ASCC2: variants seen among roughly 807,000 people sequenced by gnomAD.
ASCC2 encodes ASC-1 complex subunit P100.
ASCC2 carries 42 observed loss-of-function variants against 93.5 expected under a neutral mutation model. The ratio of observed to expected loss-of-function variants is 0.45; its 90% CI spans 0.35 to 0.58. The LOEUF (loss-of-function observed/expected upper bound fraction) is 0.58. Among genes scored for constraint, ASCC2 ranks in the 20% least tolerant of loss-of-function variants. ASCC2 has a pLI of 0.00. For synonymous variants in ASCC2, 364 were observed against 384.2 expected, an observed-to-expected ratio of 0.95 and a Z score of 0.62; for missense variants, 859 against 977.6, an observed-to-expected ratio of 0.88 and a Z score of 1.62.
Position 29,800,986 on chromosome 22 carries a change from C to T in ASCC2, c.1688+5G>A. On this transcript the variant is annotated splice_donor_5th_base_variant and intron_variant, in intron 15 of 19. Transcript: ENST00000307790. Reference sequence around the variant, plus strand: ...TATCGGAACCCCATGGCCCACTGCACTCACCTCTTGCCCTTGTGCACCCGG... The same window carrying T: ...TATCGGAACCCCATGGCCCACTGCATTCACCTCTTGCCCTTGTGCACCCGG... The T allele has an allele frequency of 6.3e-7, 1 of 1,586,624 alleles. No individual in the cohort carries two copies. Among genetic ancestry groups the T allele is most frequent in the African/African-American group, 1.3e-5 (1 of 74,466 alleles).
chr22:29,821,257 G>A (rs1012660735), intron 5 of ASCC2, among the ~76,000 whole-genome samples: 2 of 152,132 alleles, frequency 1.3e-5, no homozygotes, highest in East Asian at 1.9e-4. Context: ...GGGATCCAAC[G>A]GCTAATGTCC....
At chr22:29,837,858 A>T (rs1740467629) in intron 1 of ASCC2, among the ~76,000 whole-genome samples, 1 of 152,198 alleles carries the variant, frequency 6.6e-6, no homozygotes. Context: ...CAATGTCTAG[A>T]TCTGTGTCTG....
chr22:29,806,367 G>A (rs1377623725), intron 11 of ASCC2, 77 bp from the exon 12 acceptor site: 3 of 1,576,770 alleles, frequency 1.9e-6, no homozygotes, highest in East Asian at 2.2e-5. Flanking sequence ...GCCACTCCCT[G>A]TGTTTGCAGC....
At chr22:29,834,926 G>A (rs1161974743) in intron 1 of ASCC2, among the ~76,000 whole-genome samples, 1 of 152,176 alleles carries the variant, frequency 6.6e-6, no homozygotes, top group African/African-American at 2.4e-5. Context: ...CAGTGCAGAA[G>A]TCTAAATGAC....
chr22:29,793,695 A>C lies in ASCC2; in HGVS notation c.1689-19T>G, dbSNP rs1295743657. ...CCTGGTGCTGAGAAGGAACAGCAGA[A>C]AGAGAGGAAGGAAAACCATCAGGCT... is the stretch of plus-strand genomic sequence containing the variant. On this transcript the variant is annotated intron_variant, in intron 15 of 19. Coordinates refer to ENST00000307790, the MANE Select transcript of ASCC2 (RefSeq NM_032204.5). The C allele has an allele frequency of 6.5e-7, 1 of 1,546,574 alleles. No homozygotes were observed. Among genetic ancestry groups the C allele is most frequent in the Non-Finnish European group, 8.7e-7 (1 of 1,147,690 alleles).
In ASCC2 at chr22:29,802,070, G is replaced by C; in HGVS notation, c.1492C>G (p.Pro498Ala). ...LACLEYYHYDPEQVINNILEE... is the reference protein window; with the variant it reads ...LACLEYYHYDAEQVINNILEE... ...AGGATATTGTTGATCACCTGCTCTGGGTCGTAGTGGTAGTACTCCAGGCAG... is the reference window on the plus strand; with the variant it reads ...AGGATATTGTTGATCACCTGCTCTGCGTCGTAGTGGTAGTACTCCAGGCAG... Residue 498 changes from proline (P) to alanine (A), a missense_variant, in exon 14 of 20, where the codon CCA becomes GCA. Transcript: ENST00000307790. 6.2e-7 allele frequency: 1 copy of C among 1,614,090 alleles called. No individual in the cohort carries two copies. The highest frequency in any genetic ancestry group is 8.5e-7 in the Non-Finnish European group (1 of 1,179,996).
In ASCC2 at chr22:29,806,260, G is replaced by A. The variant is rs141929187; in HGVS notation, c.1116C>T (p.Pro372=). ...GCAGCAAGCTGATGTCTTCGGCCAC[G>A]GGGAAGAGTGCATCATAGTCCCGGA... ...RFLRDYDALF[P]VAEDISLLQQ... is the part of the protein sequence containing the mutation. The change falls in exon 12 of 20, where the codon CCC becomes CCT. Residue 372 remains proline (P), a synonymous_variant. Transcript: ENST00000307790. 7.6e-4 allele frequency: 1,230 copies of A among 1,614,164 alleles called. 2 individuals are homozygous for A. The highest frequency in any genetic ancestry group is 9.4e-4 in the Non-Finnish European group (1,106 of 1,180,034).
intron 2 of ASCC2, among the ~76,000 whole-genome samples, chr22:29,830,659 T>G (rs2063025727): frequency 6.6e-6 from 1 of 152,218 alleles, no homozygotes; most frequent in African/African-American, 2.4e-5. Context: ...GACTTCCTTC[T>G]GTCACAACCC....
At chr22:29,796,911 G>C (rs189182347) in intron 15 of ASCC2, among the ~76,000 whole-genome samples, 2 of 152,270 alleles carry the variant, frequency 1.3e-5, no homozygotes, top group Non-Finnish European at 2.9e-5. Flanking sequence ...CTGTGCAGTG[G>C]GGCAGTTCTT....
intron 12 of ASCC2, among the ~76,000 whole-genome samples, chr22:29,805,634 C>T (rs113578251): frequency 0.011 from 1,710 of 152,270 alleles, 29 homozygotes; most frequent in African/African-American, 0.037. Flanking sequence ...TGCAACACCC[C>T]AATTCCTCCT....
chr22:29,834,784 G>A (rs1258521699), intron 1 of ASCC2, among the ~76,000 whole-genome samples: 8 of 152,128 alleles, frequency 5.3e-5, no homozygotes, highest in African/African-American at 1.2e-4. Flanking sequence ...AGCTGAAACC[G>A]AAGCCCAGGT....
chr22:29,832,237 C>T lies in ASCC2; in HGVS notation c.81+8G>A, dbSNP rs536503379. On this transcript the variant is annotated splice_region_variant and intron_variant, in intron 2 of 19. Transcript: ENST00000307790. ...ATCAGGCTGAATGGCCTTAAGTGAC[C>T]GGCTCACCAGCGCTGGTGAAGTCCT... The T allele has an allele frequency of 1.1e-5, 17 of 1,608,308 alleles. No individual in the cohort carries two copies. Among genetic ancestry groups the T allele is most frequent in the Middle Eastern group, 3.3e-4 (2 of 6,052 alleles).
chr22:29,793,265 TG>T, intron 17 of ASCC2, 94 bp downstream of exon 17: 1 of 1,549,470 alleles, frequency 6.5e-7, no homozygotes, highest in Admixed American at 1.7e-5. Context: ...GTTTGGGCCC[TG>T]GATCTGCCAC....
chr22:29,827,578 A>G (rs1422954288), intron 2 of ASCC2: 3 of 470,986 alleles, frequency 6.4e-6, no homozygotes, highest in South Asian at 3.1e-5. Flanking sequence ...TCAAATTTGT[A>G]TCATGGAGTT....
intron 9 of ASCC2, 104 bp from the exon 10 acceptor site, chr22:29,807,008 G>A: frequency 9.8e-6 from 8 of 816,868 alleles, no homozygotes; most frequent in South Asian, 7.0e-5. Flanking sequence ...GGAATCTGAG[G>A]TGGGAGGATC....
intron 2 of ASCC2, chr22:29,827,702 T>C: frequency 4.5e-6 from 2 of 441,846 alleles, no homozygotes; most frequent in Non-Finnish European, 9.5e-6. Flanking sequence ...CTTCTATCTG[T>C]TGGCACTTTA....
At chr22:29,799,960 G>C (rs7289803) in intron 15 of ASCC2, among the ~76,000 whole-genome samples, 15,013 of 152,088 alleles carry the variant, frequency 0.099, 930 homozygotes, top group African/African-American at 0.16. Flanking sequence ...GCTAATTTTT[G>C]TATTTTTTGT....
At chr22:29,803,147 A>G (rs2059289715) in intron 13 of ASCC2, among the ~76,000 whole-genome samples, 1 of 151,482 alleles carries the variant, frequency 6.6e-6, no homozygotes, top group Non-Finnish European at 1.5e-5. Flanking sequence ...GTTACTCAGG[A>G]GGCTGACACA....
At position 29,814,648 on chromosome 22, in the gene ASCC2, C is replaced by T; in HGVS notation, c.720+9G>A. 1 of 1,585,014 alleles carries T rather than the reference C, an allele frequency of 6.3e-7. No homozygotes were observed. Among genetic ancestry groups the T allele is most frequent in the Non-Finnish European group, 8.6e-7 (1 of 1,167,980 alleles). ...GCAGGAAAGAGACTGGGCCGAAGGG[C>T]AACCTTACCAGGAGAGGCATGTCAC... is the stretch of plus-strand genomic sequence containing the variant. On this transcript the variant is annotated intron_variant, in intron 7 of 19. Transcript: ENST00000307790.
Sources: allele counts gnomAD v4.1 joint callset (sites outside exome capture counted in the v4.1 genomes callset), GRCh38; gene constraint gnomAD v4.1.1; transcripts MANE v1.5; gene names NCBI Gene and HGNC (gene_info 2026-07-23, HGNC 2026-07-21).